The following SPINK5 variants were observed in gnomAD, a reference collection of about 807,000 sequenced individuals.
The protein encoded by SPINK5 is serine protease inhibitor Kazal-type 5.
A neutral mutation model predicts 151.8 loss-of-function variants in SPINK5; 125 were observed. That is an observed-to-expected ratio of 0.82 (90% CI 0.71 to 0.96). SPINK5 has a LOEUF of 0.96. Ranked by LOEUF, SPINK5 falls within the 40% of genes least tolerant of loss-of-function variation. The probability of loss-of-function intolerance (pLI) is 0.00; values close to 1 mark genes in which losing one functional copy is unlikely to be tolerated. For missense variants in SPINK5, 1,194 were observed against 1,291.9 expected (o/e 0.92, Z 1.16); for synonymous variants, 374 against 395.3 (o/e 0.95, Z 0.64).
rs1348585249 is a variant in SPINK5 at position 148,094,342 on chromosome 5, G to T, written c.667-12G>T. Reference sequence around the variant, plus strand: ...GAAATGAAGTAAAATAAATATAATTGTCTTTTCAAAGGATTTTTGCAAGGA... The same window carrying T: ...GAAATGAAGTAAAATAAATATAATTTTCTTTTCAAAGGATTTTTGCAAGGA... On this transcript the variant is annotated splice_polypyrimidine_tract_variant and intron_variant, in intron 8 of 32. Transcript: ENST00000256084. The T allele has an allele frequency of 1.2e-6, 2 of 1,611,032 alleles. No individual in the cohort carries two copies. The highest frequency in any genetic ancestry group is 2.7e-5 in the African/African-American group (2 of 74,720).
At chr5:148,120,182 C>A in intron 25 of SPINK5, 46 bp downstream of exon 25, 1 of 1,613,516 alleles carries the variant, frequency 6.2e-7, no homozygotes, top group Non-Finnish European at 8.5e-7. Flanking sequence ...TCTTAAAGTA[C>A]AATAATCATT....
chr5:148,087,314 T>C (rs1753187219), intron 5 of SPINK5, among the ~76,000 whole-genome samples: 1 of 151,822 alleles, frequency 6.6e-6, no homozygotes, highest in Non-Finnish European at 1.5e-5. Context: ...TGGCGGGTTC[T>C]GGCTTGTGAT....
At chr5:148,119,110 T>C (rs1221564147) in intron 24 of SPINK5, 52 bp downstream of exon 24, 3 of 1,533,718 alleles carry the variant, frequency 2.0e-6, no homozygotes, top group Admixed American at 1.7e-5. Flanking sequence ...GAGTCAGCAG[T>C]TGGCGATCAA....
chr5:148,111,669 G>A lies in SPINK5; in HGVS notation c.1693-99G>A. The A allele has an allele frequency of 1.5e-5, 23 of 1,568,270 alleles. 1 individual carries two copies. In the South Asian group the frequency reaches 2.5e-4, roughly 17 times the overall value. On this transcript the variant is annotated intron_variant, in intron 18 of 32. Transcript: ENST00000256084. ...CAACCTTCAGCATCACCTTTTCCAT[G>A]CAATCATTATGTTTTAGTTTTTAAA... is the stretch of plus-strand genomic sequence containing the variant.
At chr5:148,084,511 C>G (rs1753103000) in intron 4 of SPINK5, among the ~76,000 whole-genome samples, 1 of 151,802 alleles carries the variant, frequency 6.6e-6, no homozygotes, top group Non-Finnish European at 1.5e-5. Context: ...CCCCAGCTGG[C>G]CTTTTGACTT....
rs1279141272 is a variant in SPINK5 at position 148,116,377 on chromosome 5, G to C, written c.2023G>C (p.Glu675Gln). ...CCACTTTCTAATTTCCAGCCAGAAAGAAAATGAGGAAAGAAAGAGGAAAGA... is the reference window on the plus strand; with the variant it reads ...CCACTTTCTAATTTCCAGCCAGAAACAAAATGAGGAAAGAAAGAGGAAAGA... ...CAMCKAVFQK[E>Q]NEERKRKEEE... Residue 675 changes from glutamate (E) to glutamine (Q), a missense_variant, in exon 22 of 33, where the codon GAA (glutamate) becomes CAA (glutamine). Transcript: ENST00000256084. The C allele has an allele frequency of 2.0e-5, 32 of 1,613,906 alleles. No individual in the cohort carries two copies. The highest frequency in any genetic ancestry group is 2.6e-5 in the Non-Finnish European group (31 of 1,179,952).
At chr5:148,108,680 A>C in intron 17 of SPINK5, 73 bp from the exon 18 acceptor site, 1 of 1,575,914 alleles carries the variant, frequency 6.3e-7, no homozygotes, top group African/African-American at 1.4e-5. Flanking sequence ...GAAGATCCTC[A>C]TTCCTTTTAA....
At position 148,124,781 on chromosome 5, in the gene SPINK5, G is replaced by C; in HGVS notation, c.2683G>C (p.Glu895Gln). 1 of 1,602,338 alleles carries C rather than the reference G, an allele frequency of 6.2e-7. No individual in the cohort carries two copies. The highest frequency in any genetic ancestry group is 2.3e-5 in the East Asian group (1 of 44,412). The change falls in exon 28 of 33, where the codon GAA becomes CAA. Residue 895 changes from glutamate to glutamine, a missense_variant. Coordinates refer to ENST00000256084, the MANE Select transcript of SPINK5 (RefSeq NM_006846.4). The part of the protein sequence containing the change: ...CQSIFDREAN[E>Q]RKKKDEEKSS... ...ATTCTGCAGTGATCGAGAAGCTAAT[G>C]AAAGAAAAAAGAAAGATGAAGAGAA...
intron 12 of SPINK5, 92 bp downstream of exon 12, chr5:148,099,407 C>A: frequency 1.9e-6 from 2 of 1,050,588 alleles, no homozygotes; most frequent in South Asian, 1.4e-5. Context: ...CTGCAGAAAT[C>A]CCCAGAATAT....
Position 148,100,557 on chromosome 5 carries a change from C to T in SPINK5, c.1196C>T (p.Thr399Ile), listed in dbSNP as rs1420281681. 1.2e-6 allele frequency: 2 copies of T among 1,613,198 alleles called. No homozygotes were observed. The highest frequency in any genetic ancestry group is 1.7e-6 in the Non-Finnish European group (2 of 1,179,398). ...CCAGATGGGAAAGTGCATGGCAACA[C>T]CTGCTCCATGTGTGAGGTCTTCTTG... The part of the protein sequence containing the change: ...QGPDGKVHGN[T>I]CSMCEVFFQA... The change falls in exon 13 of 33, where the codon ACC (threonine) becomes ATC (isoleucine). Residue 399 changes from threonine to isoleucine, a missense_variant. Coordinates refer to ENST00000256084, the MANE Select transcript of SPINK5 (RefSeq NM_006846.4).
intron 12 of SPINK5, among the ~76,000 whole-genome samples, chr5:148,099,994 G>A (rs1328412944): frequency 2.0e-5 from 3 of 152,026 alleles, no homozygotes; most frequent in Non-Finnish European, 4.4e-5. Context: ...TATGTGCCAT[G>A]TCTTTTCCTA....
chr5:148,091,987 C>T (rs531463201), intron 8 of SPINK5, among the ~76,000 whole-genome samples: 7 of 151,880 alleles, frequency 4.6e-5, no homozygotes, highest in South Asian at 2.1e-4. Flanking sequence ...GAAGTCAGAA[C>T]GCCTGAGTTT....
At chr5:148,110,721 C>T (rs58451856) in intron 18 of SPINK5, among the ~76,000 whole-genome samples, 22,204 of 151,750 alleles carry the variant, frequency 0.15, 2,145 homozygotes, top group East Asian at 0.32. Flanking sequence ...CATCACACAC[C>T]GGGGCCTGTT....
At chr5:148,070,521 T>A (rs1399819615) in intron 3 of SPINK5, 71 bp downstream of exon 3, 3 of 1,592,322 alleles carry the variant, frequency 1.9e-6, no homozygotes, top group Admixed American at 3.4e-5. Context: ...GTAAATGTAT[T>A]CTTTTTCTTT....
chr5:148,086,538 T>C lies in SPINK5; in HGVS notation c.410+6T>C, dbSNP rs1554103297. 1.9e-6 allele frequency: 3 copies of C among 1,610,534 alleles called. No homozygotes were observed. Among genetic ancestry groups the C allele is most frequent in the Non-Finnish European group, 2.5e-6 (3 of 1,178,204 alleles). ...GCACTGTGTGCTGAGAATGCGTGAG[T>C]ATTCTCTGAAGTAGGCTTTCTCCCT... is the stretch of plus-strand genomic sequence containing the variant. On this transcript the variant is annotated splice_donor_region_variant and intron_variant, in intron 5 of 32. Coordinates refer to ENST00000256084, the MANE Select transcript of SPINK5 (RefSeq NM_006846.4).
intron 26 of SPINK5, among the ~76,000 whole-genome samples, chr5:148,121,083 G>A (rs1754246814): frequency 1.1e-5 from 1 of 87,106 alleles, no homozygotes; most frequent in South Asian, 4.1e-4. Context: ...AGGCGAGCTT[G>A]CAGTGAGCTG....
intron 10 of SPINK5, among the ~76,000 whole-genome samples, chr5:148,096,865 C>CCT (rs1006491594): frequency 2.1e-4 from 31 of 150,920 alleles, no homozygotes; most frequent in African/African-American, 6.6e-4. Context: ...CTCAAGCTAT[C>CCT]CTCACACCTC....
intron 2 of SPINK5, among the ~76,000 whole-genome samples, chr5:148,068,407 C>CTAGGT (rs1752638840): frequency 6.6e-6 from 1 of 151,844 alleles, no homozygotes; most frequent in African/African-American, 2.4e-5. Context: ...TACTTCTGTT[C>CTAGGT]TACCTAATGC....
chr5:148,076,399 T>TAA (rs75021819), intron 4 of SPINK5, among the ~76,000 whole-genome samples: 1 of 151,502 alleles, frequency 6.6e-6, no homozygotes, highest in Non-Finnish European at 1.5e-5. Flanking sequence ...AAAAAAAGAA[T>TAA]AAAAAAGCAG....
Sources: gnomAD v4.1 joint callset for allele counts (sites outside exome capture counted in the v4.1 genomes callset) on GRCh38, gnomAD v4.1.1 for gene constraint, MANE v1.5 for transcripts, NCBI Gene and HGNC (gene_info 2026-07-23, HGNC 2026-07-21) for gene names.